BIRC6: variants seen among roughly 807,000 people sequenced by gnomAD.
BIRC6 encodes the protein baculoviral IAP repeat containing 6, also known as dual E2 ubiquitin-conjugating enzyme/E3 ubiquitin-protein ligase BIRC6.
Under a neutral mutation model 503.3 loss-of-function variants are expected in BIRC6, and 98 were observed. The ratio of observed to expected loss-of-function variants is 0.19; its 90% confidence interval spans 0.17 to 0.23. BIRC6 has a LOEUF of 0.23. BIRC6 is among the 10% of genes least tolerant of loss of function. The pLI is 1.00. For synonymous variants in BIRC6, 2,240 were observed against 2,078.7 expected (o/e 1.08, Z -2.11); for missense variants, 5,360 against 5,806.0 (o/e 0.92, Z 2.50).
chr2:32,410,951 C>T (rs934466439), intron 9 of BIRC6, among the ~76,000 whole-genome samples: 1 of 152,144 alleles, frequency 6.6e-6, no homozygotes, highest in Non-Finnish European at 1.5e-5. Context: ...CCACCCTCCT[C>T]GGCCTCCCAA....
intron 44 of BIRC6, among the ~76,000 whole-genome samples, chr2:32,492,279 T>C (rs1170720579): frequency 6.6e-6 from 1 of 152,120 alleles, no homozygotes; most frequent in Non-Finnish European, 1.5e-5. Context: ...TTCTGTGTGC[T>C]TGTTCTAGGT....
chr2:32,567,994 C>T (rs1445534345), intron 65 of BIRC6, among the ~76,000 whole-genome samples: 3 of 152,096 alleles, frequency 2.0e-5, no homozygotes, highest in Non-Finnish European at 4.4e-5. Context: ...CACCTGTACT[C>T]CCAGCTACTT....
In BIRC6 at chr2:32,444,827, T is replaced by C. The variant is rs571869108; in HGVS notation, c.4337-694T>C. On this transcript the variant is annotated intron_variant, in intron 20 of 73. Transcript: ENST00000421745. The stretch of plus-strand genomic sequence containing the variant: ...TTAATTTAGGTAAAGCGTGTTTATA[T>C]TTACATTGAACATATTTTGGCTACA... Among the ~76,000 whole-genome samples the C allele has an allele frequency of 2.0e-5, 3 of 152,346 alleles. No homozygotes were observed. The East Asian group carries it at 5.8e-4, about 29-fold the overall frequency.
At chr2:32,437,842 T>C (rs1008255812) in intron 15 of BIRC6, among the ~76,000 whole-genome samples, 1 of 152,242 alleles carries the variant, frequency 6.6e-6, no homozygotes, top group African/African-American at 2.4e-5. Flanking sequence ...TTAGGTTTCA[T>C]GCTGGGATAC....
At chr2:32,605,990 G>C (rs1364189778) in intron 71 of BIRC6, among the ~76,000 whole-genome samples, 1 of 152,172 alleles carries the variant, frequency 6.6e-6, no homozygotes, top group South Asian at 2.1e-4. Context: ...CGTTACTTTC[G>C]AGTACTCATT....
chr2:32,590,986 C>CT, intron 66 of BIRC6: 1 of 985,728 alleles, frequency 1.0e-6, no homozygotes, highest in Non-Finnish European at 1.2e-6. Context: ...AAGGTATGGC[C>CT]TTTTTTCATG....
chr2:32,359,779 G>A (rs140846443), intron 1 of BIRC6, among the ~76,000 whole-genome samples: 1,628 of 152,210 alleles, frequency 0.011, 21 homozygotes, highest in African/African-American at 0.036. Flanking sequence ...GTGTTGCCCA[G>A]GCTGGTCTTG....
At chr2:32,612,866 C>T (rs2062973233) in intron 73 of BIRC6, among the ~76,000 whole-genome samples, 1 of 152,154 alleles carries the variant, frequency 6.6e-6, no homozygotes, top group Non-Finnish European at 1.5e-5. Context: ...TAAGCTAGTT[C>T]TATTTTGCCC....
intron 8 of BIRC6, among the ~76,000 whole-genome samples, chr2:32,403,928 G>GTT (rs55964632): frequency 4.6e-5 from 6 of 130,684 alleles, no homozygotes; most frequent in South Asian, 2.5e-4. Context: ...ATGTGTGTGT[G>GTT]TTTTTTTTTT....
intron 61 of BIRC6, among the ~76,000 whole-genome samples, 197 bp from the exon 62 acceptor site, chr2:32,543,044 C>G (rs1409937451): frequency 2.6e-5 from 4 of 152,218 alleles, no homozygotes; most frequent in African/African-American, 7.2e-5. Context: ...AAGTAATCCA[C>G]CTGCCTCAGC....
At chr2:32,558,888 A>C (rs2058965257) in intron 65 of BIRC6, 2 of 152,342 alleles carry the variant, frequency 1.3e-5, no homozygotes, top group South Asian at 2.1e-4. Context: ...CAAGTAAGTC[A>C]CACTGTAAAT....
rs528989245 is a variant in BIRC6, at chr2:32,454,511, GTATT to G, written c.4753+576_4753+579del. The stretch of plus-strand genomic sequence containing the variant: ...TTTTCCTTCTCACGTAGGAAGATCG[GTATT>G]TATTTACAGTTACTTCTATTGCAGC... On this transcript the variant is annotated intron_variant, in intron 23 of 73. Coordinates refer to ENST00000421745, the MANE Select transcript of BIRC6 (RefSeq NM_016252.4). Among the ~76,000 whole-genome samples, 543 of 151,884 alleles carry G rather than the reference GTATT, an allele frequency of 3.6e-3. 5 individuals are homozygous for G. Among genetic ancestry groups the G allele is most frequent in the Admixed American group, 8.1e-3 (124 of 15,248 alleles).
intron 59 of BIRC6, chr2:32,529,280 G>A (rs971620366): frequency 5.8e-6 from 1 of 173,012 alleles, no homozygotes; most frequent in African/African-American, 2.4e-5. Flanking sequence ...ATTGTCCATA[G>A]CTGCTTCTCT....
At chr2:32,487,900 ATTTC>A (rs1231447201) in intron 41 of BIRC6, 99 bp downstream of exon 41, 12 of 992,736 alleles carry the variant, frequency 1.2e-5, no homozygotes, top group Non-Finnish European at 1.8e-5. Flanking sequence ...GTCAGGGATG[ATTTC>A]TTTATTATAT....
rs1453180803 is a variant in BIRC6, at chr2:32,416,111, TG to T, written c.2821del (p.Val941PhefsTer3). ...KEGTEEQDTFVSVIYCSGTDR... is the reference protein window; with the variant it reads ...KEGTEEQDTFXSVIYCSGTDR... ...AGGGCACTGAGGAACAGGACACATT[TG>T]TTTCTGTGATTTACTGTTCTGGCAC... On this transcript the variant is annotated frameshift_variant, in exon 10 of 74. Coordinates refer to ENST00000421745, the MANE Select transcript of BIRC6 (RefSeq NM_016252.4). LOFTEE classifies it high-confidence loss of function. 6.2e-7 allele frequency: 1 copy of T among 1,613,338 alleles called. No homozygotes were observed.
intron 22 of BIRC6, among the ~76,000 whole-genome samples, chr2:32,453,123 C>CT (rs1355273395): frequency 6.6e-6 from 1 of 151,500 alleles, no homozygotes; most frequent in Admixed American, 6.6e-5. Flanking sequence ...CCTTCCCAAG[C>CT]TGCATACGCA....
chr2:32,406,390 C>A (rs1264550017), intron 8 of BIRC6, 109 bp from the exon 9 acceptor site: 1 of 733,614 alleles, frequency 1.4e-6, no homozygotes, highest in Admixed American at 2.4e-5. Flanking sequence ...CAGACTGAGA[C>A]CCTGTCTCAA....
intron 63 of BIRC6, among the ~76,000 whole-genome samples, chr2:32,547,474 C>T (rs1015237073): frequency 3.9e-5 from 6 of 152,088 alleles, no homozygotes; most frequent in African/African-American, 7.2e-5. Flanking sequence ...TTGTTCCTTG[C>T]GTCTGTCTTC....
At position 32,465,092 on chromosome 2, in the gene BIRC6, G is replaced by T. The variant is rs770653926; in HGVS notation, c.5284G>T (p.Ala1762Ser). ...MNPLGSGLAL[A>S]ISHASHFLQP... ...TCCACTTGGTTCTGGTCTAGCCCTT[G>T]CAATTTCTCATGCTTCACATTTTCT... The change falls in exon 26 of 74, where the codon GCA becomes TCA. Residue 1762 changes from alanine (A) to serine (S), a missense_variant. Physicochemically the swap from Ala to Ser is moderately conservative, Grantham distance 99. This residue lies in a region of BIRC6 where 2,299 missense variants were observed against 2,267.2 expected (regional missense o/e 1.01). Coordinates refer to ENST00000421745, the MANE Select transcript of BIRC6 (RefSeq NM_016252.4). 7.5e-6 allele frequency: 12 copies of T among 1,603,466 alleles called. No individual in the cohort carries two copies.
Sources: allele counts gnomAD v4.1 joint callset (sites outside exome capture counted in the v4.1 genomes callset), GRCh38; gene constraint gnomAD v4.1.1; regional missense constraint gnomAD v4.1.1; transcripts MANE v1.5; gene names NCBI Gene and HGNC (gene_info 2026-07-23, HGNC 2026-07-21).